FRMD3: variants seen among roughly 807,000 people sequenced by gnomAD.
FRMD3 encodes the protein FERM domain containing 3, also known as FERM domain-containing protein 3.
Under a neutral mutation model 70.2 loss-of-function variants are expected in FRMD3, and 33 were observed. The ratio of observed to expected loss-of-function variants is 0.47; its 90% CI spans 0.36 to 0.63. The LOEUF is 0.63. Ranked by LOEUF, FRMD3 falls within the 20% of genes least tolerant of loss-of-function variation. The probability of loss-of-function intolerance (pLI) is 0.00; values close to 1 mark genes in which losing one functional copy is unlikely to be tolerated. For missense variants in FRMD3, 632 were observed against 711.4 expected (o/e 0.89, Z 1.27); for synonymous variants, 279 against 255.9 (o/e 1.09, Z -0.86).
At chr9:83,507,564 G>A (rs992039815) in intron 1 of FRMD3, among the ~76,000 whole-genome samples, 4 of 148,474 alleles carry the variant, frequency 2.7e-5, no homozygotes, top group South Asian at 2.1e-4. Flanking sequence ...CAGTTACTTG[G>A]GAGGCTGAGG....
At chr9:83,454,500 C>G (rs1827761584) in intron 1 of FRMD3, among the ~76,000 whole-genome samples, 1 of 152,220 alleles carries the variant, frequency 6.6e-6, no homozygotes, top group Non-Finnish European at 1.5e-5. Context: ...GACAAAATAC[C>G]AGCCTTACTG....
At chr9:83,407,092 G>A (rs10119608) in intron 1 of FRMD3, among the ~76,000 whole-genome samples, 6,434 of 152,102 alleles carry the variant, frequency 0.042, 473 homozygotes, top group African/African-American at 0.15. Flanking sequence ...CCACACCCTC[G>A]CTGACCTTTC....
At chr9:83,536,648 A>C (rs1829898105) in intron 1 of FRMD3, among the ~76,000 whole-genome samples, 1 of 152,142 alleles carries the variant, frequency 6.6e-6, no homozygotes, top group Non-Finnish European at 1.5e-5. Flanking sequence ...GCTCAGAATG[A>C]AATTCAAGCT....
intron 2 of FRMD3, among the ~76,000 whole-genome samples, chr9:83,384,468 G>A (rs1825454037): frequency 6.6e-6 from 1 of 152,072 alleles, no homozygotes; most frequent in Non-Finnish European, 1.5e-5. Flanking sequence ...CCTCCCCAAG[G>A]TGCCTCTAGA....
intron 1 of FRMD3, among the ~76,000 whole-genome samples, chr9:83,412,081 C>A (rs1236444799): frequency 1.3e-5 from 2 of 152,206 alleles, no homozygotes; most frequent in African/African-American, 2.4e-5. Context: ...TGATTTTTGT[C>A]ATCAAACAGT....
chr9:83,457,618 A>G (rs949657502), intron 1 of FRMD3, among the ~76,000 whole-genome samples: 2 of 152,248 alleles, frequency 1.3e-5, no homozygotes, highest in Admixed American at 6.5e-5. Flanking sequence ...AATAGTTGTT[A>G]TACAGCATTG....
chr9:83,246,091 A>G lies in FRMD3; in HGVS notation c.*1827T>C. 1 of 985,332 alleles carries G rather than the reference A, an allele frequency of 1.0e-6. No homozygotes were observed. 61.0% of individuals were successfully genotyped at this position (985,332 alleles called of 1,614,324 possible). On this transcript the variant is annotated 3_prime_UTR_variant, in exon 14 of 14. Transcript: ENST00000304195. ...TTTCAAAACTCATTTCCAAAATTAA[A>G]TGTCCAGTGAAGTACTCAGAGCTCC...
chr9:83,486,470 G>T (rs1044155255), intron 1 of FRMD3, among the ~76,000 whole-genome samples: 2 of 152,120 alleles, frequency 1.3e-5, no homozygotes, highest in African/African-American at 4.8e-5. Context: ...TATGTATTTA[G>T]TTTATATCTT....
chr9:83,379,116 T>C (rs935048803), intron 2 of FRMD3, among the ~76,000 whole-genome samples: 1 of 151,578 alleles, frequency 6.6e-6, no homozygotes, highest in Non-Finnish European at 1.5e-5. Flanking sequence ...ACAATTGCAA[T>C]ACCAGCTGTT....
intron 13 of FRMD3, among the ~76,000 whole-genome samples, chr9:83,260,476 G>GT (rs1832933477): frequency 6.6e-6 from 1 of 152,136 alleles, no homozygotes; most frequent in African/African-American, 2.4e-5. Context: ...AACCCATGGT[G>GT]TCCTTACATG....
chr9:83,443,436 C>T (rs1827364543), intron 1 of FRMD3, among the ~76,000 whole-genome samples: 1 of 152,146 alleles, frequency 6.6e-6, no homozygotes. Context: ...TGATGGTTTC[C>T]AGCTTCACCC....
chr9:83,437,843 T>C (rs1245313468), intron 1 of FRMD3, among the ~76,000 whole-genome samples: 1 of 152,208 alleles, frequency 6.6e-6, no homozygotes, highest in Non-Finnish European at 1.5e-5. Flanking sequence ...GTATGAGACT[T>C]GTCATATTAG....
intron 1 of FRMD3, among the ~76,000 whole-genome samples, chr9:83,517,695 T>C (rs971637505): frequency 6.6e-6 from 1 of 151,884 alleles, no homozygotes; most frequent in Non-Finnish European, 1.5e-5. Context: ...CAAAGAAAAT[T>C]TCAGGCCAAT....
chr9:83,361,838 G>A (rs960786686), intron 3 of FRMD3, among the ~76,000 whole-genome samples: 1 of 152,176 alleles, frequency 6.6e-6, no homozygotes, highest in East Asian at 1.9e-4. Flanking sequence ...GCAGAGTGTG[G>A]AGTGAGGCAG....
chr9:83,523,472 C>G (rs1282168690), intron 1 of FRMD3, among the ~76,000 whole-genome samples: 1 of 152,000 alleles, frequency 6.6e-6, no homozygotes, highest in Non-Finnish European at 1.5e-5. Flanking sequence ...AACAACTGCT[C>G]AATACACTAA....
At chr9:83,436,002 GA>G (rs1248856507) in intron 1 of FRMD3, among the ~76,000 whole-genome samples, 2 of 152,222 alleles carry the variant, frequency 1.3e-5, no homozygotes, top group African/African-American at 4.8e-5. Context: ...TTAAAAAAGA[GA>G]ACCCAGAATA....
At chr9:83,299,974 T>C (rs772513532) in intron 10 of FRMD3, among the ~76,000 whole-genome samples, 10 of 152,332 alleles carry the variant, frequency 6.6e-5, no homozygotes, top group Non-Finnish European at 1.3e-4. Flanking sequence ...TGTTAAGCCT[T>C]GTACAATTAA....
intron 3 of FRMD3, among the ~76,000 whole-genome samples, chr9:83,361,363 A>G (rs1485054356): frequency 1.3e-5 from 2 of 152,258 alleles, no homozygotes; most frequent in African/African-American, 4.8e-5. Flanking sequence ...AGGTGAAGAA[A>G]TTTTCCAAAC....
chr9:83,374,723 A>G (rs927081123), intron 2 of FRMD3, among the ~76,000 whole-genome samples: 2 of 152,206 alleles, frequency 1.3e-5, no homozygotes, highest in Non-Finnish European at 2.9e-5. Flanking sequence ...TACTCAATAA[A>G]ATGATTGTTG....
Sources: allele counts gnomAD v4.1 joint callset (sites outside exome capture counted in the v4.1 genomes callset), GRCh38; gene constraint gnomAD v4.1.1; transcripts MANE v1.5; gene names NCBI Gene and HGNC (gene_info 2026-07-23, HGNC 2026-07-21).